DYSF: variants seen among roughly 807,000 people sequenced by gnomAD.
The protein encoded by DYSF is dystrophy-associated fer-1-like 1.
Under a neutral mutation model 274.9 loss-of-function variants are expected in DYSF, and 212 were observed. The observed-to-expected ratio is 0.77, with a 90% CI of 0.69 to 0.86. The LOEUF (loss-of-function observed/expected upper bound fraction) is 0.86. Among genes scored for constraint, DYSF ranks in the 40% least tolerant of loss-of-function variants. The probability of loss-of-function intolerance (pLI) is 0.00; values close to 1 mark genes in which losing one functional copy is unlikely to be tolerated. For synonymous variants in DYSF, 1,091 were observed against 1,078.7 expected (o/e 1.01, Z -0.22); for missense variants, 2,666 against 2,783.2 (o/e 0.96, Z 0.95).
chr2:71,584,432 C>T (rs554539502), intron 30 of DYSF, among the ~76,000 whole-genome samples: 123 of 152,280 alleles, frequency 8.1e-4, no homozygotes, highest in African/African-American at 2.9e-3. Flanking sequence ...CCCATTCCAT[C>T]CCACCCCACA....
At chr2:71,681,449 A>C (rs1169650159) in intron 54 of DYSF, among the ~76,000 whole-genome samples, 1 of 152,236 alleles carries the variant, frequency 6.6e-6, no homozygotes, top group Non-Finnish European at 1.5e-5. Flanking sequence ...CAATCTCAGC[A>C]AAGTTAAATA....
rs543034925 is a variant in DYSF, at chr2:71,590,533, C to G, written c.3574+245C>G. On this transcript the variant is annotated intron_variant, in intron 32 of 55. Coordinates refer to ENST00000410020, the MANE Select transcript of DYSF (RefSeq NM_001130987.2). ...TCCTGAAAGCCCCTTGGCCTTGGCT[C>G]TAGCCGCCAGTCTCTGGAGGGTCCC... is the stretch of plus-strand genomic sequence containing the variant. Among the ~76,000 whole-genome samples the G allele has an allele frequency of 8.5e-5, 13 of 152,262 alleles. No individual in the cohort carries two copies. The South Asian group carries it at 1.2e-3, about 15-fold the overall frequency.
chr2:71,668,936 G>A lies in DYSF; in HGVS notation c.5546+94G>A, dbSNP rs1046076993. The A allele has an allele frequency of 2.1e-5, 30 of 1,415,384 alleles. No individual in the cohort carries two copies. In the Middle Eastern group the frequency reaches 8.8e-4, roughly 42 times the overall value. The allele number at this position is 1,415,384 out of a possible 1,614,324, so 87.7% of individuals were successfully genotyped here. On this transcript the variant is annotated intron_variant, in intron 49 of 55. Coordinates refer to ENST00000410020, the MANE Select transcript of DYSF (RefSeq NM_001130987.2). ...GACTAGGCGGTTGCTCTTTTCTGCC[G>A]GGCTTCAGGCTATTTGGGCCATGGA...
intron 4 of DYSF, among the ~76,000 whole-genome samples, chr2:71,507,628 C>T (rs938332754): frequency 2.6e-5 from 4 of 152,250 alleles, no homozygotes; most frequent in South Asian, 2.1e-4. Flanking sequence ...CACACACACA[C>T]GTAGAGGGAA....
At chr2:71,549,715 C>T (rs2090789001) in intron 17 of DYSF, among the ~76,000 whole-genome samples, 1 of 149,968 alleles carries the variant, frequency 6.7e-6, no homozygotes, top group African/African-American at 2.5e-5. Flanking sequence ...TGGAGTGGGG[C>T]AGGGGGAGTG....
rs2093633450 is a variant in DYSF, at chr2:71,605,640, T to G, written c.3957+2835T>G. On this transcript the variant is annotated intron_variant, in intron 36 of 55. Transcript: ENST00000410020. ...GGATCGTATGCTTTGTGGCTGATTT[T>G]ACTGCCAGTTCAGGGGTGGGGGCCA... Among the ~76,000 whole-genome samples, 4 of 152,070 alleles carry G rather than the reference T, an allele frequency of 2.6e-5. No individual in the cohort carries two copies. The South Asian group carries it at 8.3e-4, about 32-fold the overall frequency.
rs1159294834 is a variant in DYSF, at chr2:71,582,106, C to CAAA, written c.3403-7462_3403-7460dup. ...TGGGAGACAGAAGGAGACTCCGTCT[C>CAAA]AAAAAAAAAAAAAAAAAAAAAAAAA... is the stretch of plus-strand genomic sequence containing the variant. On this transcript the variant is annotated intron_variant, in intron 30 of 55. Coordinates refer to ENST00000410020, the MANE Select transcript of DYSF (RefSeq NM_001130987.2). Among the ~76,000 whole-genome samples, 18 of 35,100 alleles carry CAAA rather than the reference C, an allele frequency of 5.1e-4. 1 individual carries two copies. The highest frequency in any genetic ancestry group is 4.2e-3 in the East Asian group (5 of 1,192). The allele number at this position is 35,100 out of a possible 152,430, so 23.0% of individuals were successfully genotyped here.
intron 32 of DYSF, among the ~76,000 whole-genome samples, chr2:71,593,378 G>A (rs772059274): frequency 2.0e-5 from 3 of 152,088 alleles, no homozygotes; most frequent in African/African-American, 7.2e-5. Context: ...CGATTCACCC[G>A]CCTTGGCCTC....
chr2:71,642,151 G>A (rs1189930686), intron 41 of DYSF, among the ~76,000 whole-genome samples: 1 of 152,150 alleles, frequency 6.6e-6, no homozygotes, highest in African/African-American at 2.4e-5. Context: ...GTCTGTCTGT[G>A]CCTGACTCTG....
At chr2:71,497,013 C>G (rs1191580365) in intron 3 of DYSF, among the ~76,000 whole-genome samples, 1 of 152,320 alleles carries the variant, frequency 6.6e-6, no homozygotes, top group East Asian at 1.9e-4. Flanking sequence ...GCAAGTCAAA[C>G]ACCTTCCCAA....
intron 1 of DYSF, among the ~76,000 whole-genome samples, chr2:71,469,580 C>T (rs1250116399): frequency 6.6e-6 from 1 of 152,098 alleles, no homozygotes; most frequent in Non-Finnish European, 1.5e-5. Flanking sequence ...TGGGCTGGCC[C>T]CACTTTCCTT....
At chr2:71,588,192 G>A (rs1427361770) in intron 30 of DYSF, among the ~76,000 whole-genome samples, 2 of 152,184 alleles carry the variant, frequency 1.3e-5, no homozygotes, top group African/African-American at 4.8e-5. Flanking sequence ...CCTTGGTGTC[G>A]GATGGGGAAA....
At chr2:71,514,042 T>G in intron 7 of DYSF, 121 bp downstream of exon 7, 1 of 1,164,798 alleles carries the variant, frequency 8.6e-7, no homozygotes, top group East Asian at 2.6e-5. Context: ...AGGGCCCTCC[T>G]GTGGGGGAAT....
chr2:71,479,316 A>C (rs1558959708), intron 1 of DYSF, among the ~76,000 whole-genome samples: 1 of 150,990 alleles, frequency 6.6e-6, no homozygotes, highest in African/African-American at 2.4e-5. Context: ...GACCTTCAAC[A>C]CTCTTTTTCT....
rs374701208 is a variant in DYSF at position 71,668,785 on chromosome 2, C to T, written c.5489C>T (p.Pro1830Leu). 6.2e-6 allele frequency: 10 copies of T among 1,613,820 alleles called. No individual in the cohort carries two copies. The highest frequency in any genetic ancestry group is 5.3e-5 in the African/African-American group (4 of 74,932). Residue 1830 changes from proline to leucine, a missense_variant, in exon 49 of 56, where the codon CCG (proline) becomes CTG (leucine). Coordinates refer to ENST00000410020, the MANE Select transcript of DYSF (RefSeq NM_001130987.2). ...CTGCAGATGTGGGTCGACCTATTTCCGAAGGCCCTGGGGCGGCCTGGACCT... is the reference window on the plus strand; with the variant it reads ...CTGCAGATGTGGGTCGACCTATTTCTGAAGGCCCTGGGGCGGCCTGGACCT... The part of the protein sequence containing the change: ...GKLQMWVDLF[P>L]KALGRPGPPF...
intron 11 of DYSF, 70 bp from the exon 12 acceptor site, chr2:71,520,719 G>A: frequency 7.2e-7 from 1 of 1,382,888 alleles, no homozygotes; most frequent in South Asian, 1.2e-5. Context: ...GTCCATCCTG[G>A]GTTCCCGGAT....
chr2:71,583,260 C>T (rs1188786485), intron 30 of DYSF, among the ~76,000 whole-genome samples: 1 of 152,192 alleles, frequency 6.6e-6, no homozygotes, highest in Non-Finnish European at 1.5e-5. Flanking sequence ...TGAGGGGCCC[C>T]CTGACCCCTT....
chr2:71,624,318 A>G (rs2094165925), intron 41 of DYSF, among the ~76,000 whole-genome samples: 1 of 152,206 alleles, frequency 6.6e-6, no homozygotes, highest in Non-Finnish European at 1.5e-5. Flanking sequence ...AATCCTGGCT[A>G]AGAAGTTTTA....
intron 4 of DYSF, among the ~76,000 whole-genome samples, chr2:71,511,606 C>A (rs192829899): frequency 5.3e-4 from 81 of 152,330 alleles, no homozygotes; most frequent in Non-Finnish European, 6.2e-4. Flanking sequence ...AGTGGTGGAA[C>A]CTGACCCCGG....
Sources: allele counts gnomAD v4.1 joint callset (sites outside exome capture counted in the v4.1 genomes callset), GRCh38; gene constraint gnomAD v4.1.1; transcripts MANE v1.5; gene names NCBI Gene and HGNC (gene_info 2026-07-23, HGNC 2026-07-21).